The following FRMD6 variants were observed in gnomAD, a reference collection of about 807,000 sequenced individuals.
FRMD6 encodes the protein FERM domain-containing protein 6.
A neutral mutation model predicts 73.2 loss-of-function variants in FRMD6; 37 were observed. That is an observed-to-expected ratio of 0.51 (90% CI 0.39 to 0.66). FRMD6 has a LOEUF of 0.66. Among genes scored for constraint, FRMD6 ranks in the 30% least tolerant of loss-of-function variants. The probability of loss-of-function intolerance (pLI) is 0.00; values close to 1 mark genes in which losing one functional copy is unlikely to be tolerated. For synonymous variants in FRMD6, 273 were observed against 282.2 expected, an observed-to-expected ratio of 0.97 and a Z score of 0.33; for missense variants, 714 against 780.5, an observed-to-expected ratio of 0.91 and a Z score of 1.02.
intron 1 of FRMD6, among the ~76,000 whole-genome samples, chr14:51,661,176 A>G (rs1893196174): frequency 6.6e-6 from 1 of 152,152 alleles, no homozygotes; most frequent in Non-Finnish European, 1.5e-5. Context: ...TAAGTTGGAG[A>G]TACAAATTTG....
chr14:51,420,553 A>G, the FRMD6 span, among the ~76,000 whole-genome samples: 15 of 152,236 alleles, frequency 9.9e-5, no homozygotes, highest in African/African-American at 2.7e-4. Context: ...TTCCTCATCC[A>G]TGGATTCAAC....
At chr14:51,544,496 T>C (rs1362603973) in intron 1 of FRMD6, among the ~76,000 whole-genome samples, 1 of 152,086 alleles carries the variant, frequency 6.6e-6, no homozygotes, top group Non-Finnish European at 1.5e-5. Flanking sequence ...ATACTCATAG[T>C]TTGAAAACAA....
intron 2 of FRMD6, among the ~76,000 whole-genome samples, chr14:51,613,717 TC>T (rs1316832572): frequency 6.6e-6 from 1 of 151,864 alleles, no homozygotes; most frequent in African/African-American, 2.4e-5. Context: ...TCTTAACAAG[TC>T]CCTCTTTGCT....
chr14:51,569,823 CTT>C (rs11350712), intron 1 of FRMD6, among the ~76,000 whole-genome samples: 31 of 141,088 alleles, frequency 2.2e-4, no homozygotes, highest in Admixed American at 9.8e-4. Context: ...TCTTCTTTTT[CTT>C]TTTTTTTTTT....
chr14:51,612,452 A>C (rs1485334942), intron 2 of FRMD6, among the ~76,000 whole-genome samples: 1 of 152,246 alleles, frequency 6.6e-6, no homozygotes, highest in East Asian at 1.9e-4. Flanking sequence ...TAGGCCAACT[A>C]TAAGAAGACC....
At chr14:51,435,127 G>A in the FRMD6 span, among the ~76,000 whole-genome samples, 17 of 152,276 alleles carry the variant, frequency 1.1e-4, no homozygotes, top group African/African-American at 2.4e-4. Context: ...TTTCAACAGC[G>A]TCTACGGATT....
chr14:51,486,228 G>GT (rs573439802), upstream of FRMD6, among the ~76,000 whole-genome samples: 46 of 152,098 alleles, frequency 3.0e-4, no homozygotes, highest in Admixed American at 4.6e-4. Context: ...TAGAGACGGG[G>GT]TTTCACCGTG....
chr14:51,649,702 C>T (rs894050403), upstream of FRMD6: 1 of 152,184 alleles, frequency 6.6e-6, no homozygotes, highest in Non-Finnish European at 1.5e-5. Flanking sequence ...TAAATGCCTA[C>T]ACTGTCCTCA....
At chr14:51,496,553 C>G (rs184690132) in intron 1 of FRMD6, among the ~76,000 whole-genome samples, 2 of 152,256 alleles carry the variant, frequency 1.3e-5, no homozygotes, top group East Asian at 3.9e-4. Flanking sequence ...CTCAGGGTAC[C>G]AAGAGGATAA....
intron 2 of FRMD6, among the ~76,000 whole-genome samples, chr14:51,593,574 T>C (rs1889526517): frequency 6.6e-6 from 1 of 152,184 alleles, no homozygotes; most frequent in South Asian, 2.1e-4. Context: ...ATGGTCTTGC[T>C]TCGCATCCTC....
intron 2 of FRMD6, among the ~76,000 whole-genome samples, chr14:51,602,503 A>T (rs1328929149): frequency 1.3e-5 from 2 of 152,278 alleles, no homozygotes; most frequent in African/African-American, 4.8e-5. Flanking sequence ...TTTATGACAC[A>T]TGAAAATTAT....
intron 1 of FRMD6, among the ~76,000 whole-genome samples, chr14:51,537,708 T>C (rs1365903235): frequency 6.6e-6 from 1 of 152,222 alleles, no homozygotes; most frequent in Non-Finnish European, 1.5e-5. Flanking sequence ...GTAATATGTG[T>C]GTAATAGTAC....
chr14:51,646,689 C>T (rs1490331824), intron 2 of FRMD6, among the ~76,000 whole-genome samples: 1 of 150,904 alleles, frequency 6.6e-6, no homozygotes, highest in East Asian at 2.0e-4. Context: ...GGGAATCCAC[C>T]CTTTGTCCTG....
intron 1 of FRMD6, among the ~76,000 whole-genome samples, chr14:51,658,323 CTT>C (rs869194626): frequency 6.3e-5 from 9 of 143,802 alleles, no homozygotes; most frequent in East Asian, 2.0e-4. Flanking sequence ...TGCCTTTTCC[CTT>C]TTTTCTCTCT....
At chr14:51,429,019 T>TGAGAGAGAGAG in the FRMD6 span, among the ~76,000 whole-genome samples, 8 of 60,112 alleles carry the variant, frequency 1.3e-4, no homozygotes, top group African/African-American at 5.5e-4. Flanking sequence ...AGAGAGAGGG[T>TGAGAGAGAGAG]GGGAGAGAGA....
the FRMD6 span, among the ~76,000 whole-genome samples, chr14:51,404,453 T>C: frequency 1.3e-5 from 2 of 152,178 alleles, no homozygotes; most frequent in Admixed American, 1.3e-4. Context: ...TTAAGTCTTA[T>C]TTTAAAATGT....
At chr14:51,510,671 A>T (rs6572765) in intron 1 of FRMD6, among the ~76,000 whole-genome samples, 86,746 of 151,302 alleles carry the variant, frequency 0.57, 25,536 homozygotes, top group South Asian at 0.7. Context: ...AAACTTATTA[A>T]ATCACGCGTT....
chr14:51,426,545 G>A, the FRMD6 span, among the ~76,000 whole-genome samples: 1 of 152,050 alleles, frequency 6.6e-6, no homozygotes, highest in Non-Finnish European at 1.5e-5. Flanking sequence ...ATGTATTTTT[G>A]CACTTTATTT....
the FRMD6 span, among the ~76,000 whole-genome samples, chr14:51,461,789 T>A: frequency 6.6e-6 from 1 of 152,150 alleles, no homozygotes; most frequent in East Asian, 1.9e-4. Context: ...TTGGAGAGAG[T>A]AGATTCTGAG....
Sources: gnomAD v4.1 joint callset for allele counts (sites outside exome capture counted in the v4.1 genomes callset) on GRCh38, gnomAD v4.1.1 for gene constraint, MANE v1.5 for transcripts, NCBI Gene and HGNC (gene_info 2026-07-23, HGNC 2026-07-21) for gene names.